ARHGAP8: variants seen among roughly 807,000 people sequenced by gnomAD.
ARHGAP8 encodes the protein rho GTPase-activating protein 8.
ARHGAP8 carries 62 observed loss-of-function variants against 46.1 expected under a neutral mutation model. That is an observed-to-expected ratio of 1.34 (90% CI 1.10 to 1.66). The LOEUF is 1.66. Among genes scored for constraint, ARHGAP8 ranks in the 40% most tolerant of loss-of-function variants. The pLI, the probability that ARHGAP8 is intolerant of heterozygous loss-of-function variation, is 0.00. For synonymous variants in ARHGAP8, 375 were observed against 243.1 expected, an observed-to-expected ratio of 1.54 and a Z score of -5.05; for missense variants, 923 against 568.4, an observed-to-expected ratio of 1.62 and a Z score of -6.34.
chr22:44,829,922 G>A (rs1489491881), intron 7 of ARHGAP8, among the ~76,000 whole-genome samples: 2 of 152,100 alleles, frequency 1.3e-5, no homozygotes, highest in Non-Finnish European at 2.9e-5. Flanking sequence ...GCCTGTGTGG[G>A]CACCTGGGGG....
At chr22:44,798,890 G>A (rs894263507) in intron 2 of ARHGAP8, among the ~76,000 whole-genome samples, 4 of 143,312 alleles carry the variant, frequency 2.8e-5, no homozygotes, top group East Asian at 2.2e-4. Context: ...TCAGCCTCCC[G>A]AGTAGCTGGG....
At chr22:44,849,193 T>C in intron 10 of ARHGAP8, 133 bp downstream of exon 10, 1 of 1,512,160 alleles carries the variant, frequency 6.6e-7, no homozygotes, top group Non-Finnish European at 8.9e-7. Flanking sequence ...CATCTGGCAC[T>C]GCAGGGCAAG....
chr22:44,765,021 G>C (rs911676970), intron 1 of ARHGAP8, among the ~76,000 whole-genome samples: 2 of 152,288 alleles, frequency 1.3e-5, no homozygotes, highest in East Asian at 3.9e-4. Flanking sequence ...GGGGTGAAAG[G>C]CTTTGTCCTT....
chr22:44,802,041 G>T, intron 2 of ARHGAP8, 36 bp from the exon 3 acceptor site: 1 of 1,610,638 alleles, frequency 6.2e-7, no homozygotes, highest in South Asian at 1.1e-5. Context: ...TCTAGGAGAA[G>T]GTGGCACAGA....
At chr22:44,809,287 T>C (rs1437586920) in intron 4 of ARHGAP8, 31 of 435,374 alleles carry the variant, frequency 7.1e-5, no homozygotes, top group Non-Finnish European at 9.6e-5. Context: ...TGTTTTTTTT[T>C]TTCAACCACT....
chr22:44,817,924 G>A (rs1787339702), intron 5 of ARHGAP8, among the ~76,000 whole-genome samples: 1 of 152,168 alleles, frequency 6.6e-6, no homozygotes, highest in Admixed American at 6.5e-5. Context: ...AGACCAGCCT[G>A]GGTAACATGG....
At chr22:44,784,050 A>G (rs1927040075) in intron 1 of ARHGAP8, among the ~76,000 whole-genome samples, 1 of 152,166 alleles carries the variant, frequency 6.6e-6, no homozygotes. Flanking sequence ...AAAAAATACA[A>G]TAATAAAAGC....
intron 3 of ARHGAP8, 97 bp from the exon 4 acceptor site, chr22:44,808,210 C>T: frequency 1.3e-6 from 2 of 1,534,938 alleles, no homozygotes; most frequent in South Asian, 2.5e-5. Context: ...GTGCTGGCAC[C>T]TACTGGGTGA....
intron 4 of ARHGAP8, among the ~76,000 whole-genome samples, chr22:44,812,326 G>A (rs1282234836): frequency 2.0e-5 from 3 of 147,150 alleles, no homozygotes; most frequent in East Asian, 2.0e-4. Flanking sequence ...CCCCCGCCCC[G>A]CCCCTCCTCT....
chr22:44,808,301 G>C lies in ARHGAP8; in HGVS notation c.168-6G>C. On this transcript the variant is annotated splice_polypyrimidine_tract_variant and splice_region_variant and intron_variant, in intron 3 of 11. Transcript: ENST00000356099. ...TTCATAACTGAATCTTCTGTGTTGT[G>C]CCCAGGTATTTGAAGTACACACTGG... is the stretch of plus-strand genomic sequence containing the variant. 6.2e-7 allele frequency: 1 copy of C among 1,611,366 alleles called. No individual in the cohort carries two copies. Among genetic ancestry groups the C allele is most frequent in the Non-Finnish European group, 8.5e-7 (1 of 1,178,222 alleles).
At chr22:44,792,905 C>T (rs368944940) in intron 2 of ARHGAP8, among the ~76,000 whole-genome samples, 1 of 151,600 alleles carries the variant, frequency 6.6e-6, no homozygotes, top group Non-Finnish European at 1.5e-5. Flanking sequence ...CTCACTGCAA[C>T]TTCTGCCTCC....
At chr22:44,754,502 C>T (rs1176743302) in intron 1 of ARHGAP8, among the ~76,000 whole-genome samples, 4 of 152,014 alleles carry the variant, frequency 2.6e-5, no homozygotes, top group Admixed American at 2.6e-4. Flanking sequence ...ATTACAGGCG[C>T]CCACCACCAC....
At chr22:44,817,859 A>C (rs1467885444) in intron 5 of ARHGAP8, among the ~76,000 whole-genome samples, 4 of 152,162 alleles carry the variant, frequency 2.6e-5, no homozygotes, top group Non-Finnish European at 5.9e-5. Context: ...TCACACCTGT[A>C]ATCCCAACAC....
chr22:44,861,366 G>A (rs781243459), intron 11 of ARHGAP8, among the ~76,000 whole-genome samples: 44 of 152,206 alleles, frequency 2.9e-4, no homozygotes, highest in African/African-American at 4.3e-4. Context: ...GTGGTGTTGC[G>A]TGTTATCACC....
chr22:44,766,251 G>T, intron 1 of ARHGAP8: 1 of 153,110 alleles, frequency 6.5e-6, no homozygotes, highest in Non-Finnish European at 1.5e-5. Context: ...CGGGCAGCAG[G>T]TCATGTACCT....
At chr22:44,779,205 T>G (rs553374715) in intron 1 of ARHGAP8, among the ~76,000 whole-genome samples, 29 of 151,274 alleles carry the variant, frequency 1.9e-4, no homozygotes, top group African/African-American at 6.5e-4. Context: ...GTTCAAGCGA[T>G]TCTCCTGCCT....
Position 44,828,372 on chromosome 22 carries a change from T to TGG in ARHGAP8, c.596+2783_596+2784dup, listed in dbSNP as rs1930684162. ...ACCTGCAGTGACCTCGGTCCCCTCC[T>TGG]GGGGGCACTGGTGAGAACTCAGCCC... On this transcript the variant is annotated intron_variant, in intron 7 of 11. Transcript: ENST00000356099. 6.0e-5 allele frequency among the ~76,000 whole-genome samples: 9 copies of TGG among 150,008 alleles called. No individual in the cohort carries two copies. In the South Asian group the frequency reaches 1.9e-3, roughly 32 times the overall value.
intron 10 of ARHGAP8, among the ~76,000 whole-genome samples, chr22:44,851,729 G>C (rs1182357051): frequency 6.6e-6 from 1 of 151,962 alleles, no homozygotes; most frequent in African/African-American, 2.4e-5. Context: ...AGTCCCAGCT[G>C]CTCAGGAGGC....
intron 1 of ARHGAP8, among the ~76,000 whole-genome samples, chr22:44,776,185 T>C (rs1186768584): frequency 3.3e-5 from 5 of 152,174 alleles, no homozygotes; most frequent in Admixed American, 3.3e-4. Context: ...GCGCAGTGGC[T>C]CACACCTGTA....
Sources: allele counts gnomAD v4.1 joint callset (sites outside exome capture counted in the v4.1 genomes callset), GRCh38; gene constraint gnomAD v4.1.1; transcripts MANE v1.5; gene names NCBI Gene and HGNC (gene_info 2026-07-23, HGNC 2026-07-21).